BLTP1: variants seen among roughly 807,000 people sequenced by gnomAD.
The protein encoded by BLTP1 is fragile site-associated protein.
At chr4:122,169,525 G>C in the BLTP1 span, 1 of 578,796 alleles carries the variant, frequency 1.7e-6, no homozygotes, top group Non-Finnish European at 2.2e-6. Context: ...TTTTGTTATC[G>C]GTAGGTTGGG....
At chr4:122,353,211 A>G in the BLTP1 span, 1 of 1,578,700 alleles carries the variant, frequency 6.3e-7, no homozygotes, top group East Asian at 2.2e-5. The surrounding 1 kb of genome is among the most constrained non-coding windows in gnomAD (Gnocchi z 4.3). Context: ...ATGACTATAA[A>G]TGACAATTGT....
At chr4:122,267,633 C>T in the BLTP1 span, 3 of 979,106 alleles carry the variant, frequency 3.1e-6, no homozygotes, top group Non-Finnish European at 3.6e-6. Flanking sequence ...AGAAATAGGG[C>T]AGAAGTCATA....
chr4:122,280,530 G>A, the BLTP1 span, among the ~76,000 whole-genome samples: 3 of 151,922 alleles, frequency 2.0e-5, no homozygotes, highest in African/African-American at 7.3e-5. Flanking sequence ...ATACGTGGTG[G>A]CAGGCATCTG....
At chr4:122,350,222 T>A in the BLTP1 span, 1 of 1,432,072 alleles carries the variant, frequency 7.0e-7, no homozygotes, top group South Asian at 1.6e-5. Flanking sequence ...GGACCAGAAT[T>A]TCTACCTGCC....
At chr4:122,231,177 AAGGG>A in the BLTP1 span, among the ~76,000 whole-genome samples, 973 of 152,288 alleles carry the variant, frequency 6.4e-3, 15 homozygotes, top group African/African-American at 0.022. Flanking sequence ...AATTTCCTGG[AAGGG>A]AGTATGAATG....
the BLTP1 span, chr4:122,249,471 T>C: frequency 6.2e-7 from 1 of 1,608,302 alleles, no homozygotes; most frequent in East Asian, 2.2e-5. Context: ...CATTTTGCTC[T>C]CTTTTGATAA....
chr4:122,234,854 C>T, the BLTP1 span: 1 of 1,613,258 alleles, frequency 6.2e-7, no homozygotes, highest in Non-Finnish European at 8.5e-7. Flanking sequence ...GCTGCAGATT[C>T]TTTGGTGGCA....
chr4:122,232,941 CAGG>C, the BLTP1 span, among the ~76,000 whole-genome samples: 2 of 152,250 alleles, frequency 1.3e-5, no homozygotes, highest in South Asian at 4.2e-4. Flanking sequence ...ATTGGATTCC[CAGG>C]AGTTTTAGAG....
the BLTP1 span, chr4:122,192,261 G>C: frequency 6.2e-7 from 1 of 1,612,958 alleles, no homozygotes. Flanking sequence ...AGAAAATATT[G>C]AAGGAGAAAT....
At chr4:122,286,554 A>T in the BLTP1 span, 8 of 1,613,964 alleles carry the variant, frequency 5.0e-6, no homozygotes, top group African/African-American at 1.3e-5. Flanking sequence ...CACAGACAAG[A>T]TTTACATTTG....
the BLTP1 span, among the ~76,000 whole-genome samples, chr4:122,308,398 C>A: frequency 2.0e-5 from 3 of 151,972 alleles, no homozygotes; most frequent in Non-Finnish European, 2.9e-5. Flanking sequence ...AAGATTGATA[C>A]CCCCCAGATA....
the BLTP1 span, chr4:122,299,825 TAGG>T: frequency 2.0e-6 from 2 of 984,814 alleles, no homozygotes; most frequent in Non-Finnish European, 2.4e-6. Context: ...AGATTTGAGT[TAGG>T]AGGCAGAGAG....
chr4:122,177,533 A>G, the BLTP1 span, among the ~76,000 whole-genome samples: 2 of 152,238 alleles, frequency 1.3e-5, no homozygotes, highest in Non-Finnish European at 2.9e-5. Context: ...AGTGACCTAT[A>G]GAATCCTACG....
chr4:122,171,799 GA>G, the BLTP1 span: 1 of 983,692 alleles, frequency 1.0e-6, no homozygotes, highest in African/African-American at 1.8e-5. Context: ...CTTTCTTTAA[GA>G]AAAAAACAAC....
chr4:122,248,279 C>T, the BLTP1 span: 964 of 188,732 alleles, frequency 5.1e-3, 13 homozygotes, highest in African/African-American at 0.022. Context: ...GCGTGGGTAA[C>T]CAATTTGCAC....
chr4:122,214,591 C>G, the BLTP1 span: 1 of 153,690 alleles, frequency 6.5e-6, no homozygotes, highest in Non-Finnish European at 9.0e-6. Context: ...TTTTTGGTAA[C>G]TATTTTTTTT....
the BLTP1 span, chr4:122,328,198 G>A: frequency 6.2e-7 from 1 of 1,611,358 alleles, no homozygotes; most frequent in East Asian, 2.2e-5. Flanking sequence ...TCTGTGTTCA[G>A]TTCTCCCAAA....
the BLTP1 span, among the ~76,000 whole-genome samples, chr4:122,332,162 T>A: frequency 6.6e-6 from 1 of 151,952 alleles, no homozygotes; most frequent in Non-Finnish European, 1.5e-5. Flanking sequence ...TTATTGAAAC[T>A]GGGTAGTGGG....
the BLTP1 span, chr4:122,197,310 TA>T: frequency 2.3e-6 from 3 of 1,304,626 alleles, no homozygotes; most frequent in Non-Finnish European, 3.1e-6. Context: ...TTTAAATAAT[TA>T]GGGAAATAAT....
Sources: allele counts gnomAD v4.1 joint callset (sites outside exome capture counted in the v4.1 genomes callset), GRCh38; gene constraint gnomAD v4.1.1; non-coding constraint Gnocchi (gnomAD v3.1); transcripts MANE v1.5; gene names NCBI Gene and HGNC (gene_info 2026-07-23, HGNC 2026-07-21).